The following CEP70 variants were observed in gnomAD, a reference collection of about 807,000 sequenced individuals.
The protein encoded by CEP70 is centrosomal protein 70, also known as centrosomal protein of 70 kDa.
A neutral mutation model predicts 90.9 loss-of-function variants in CEP70; 70 were observed. The observed-to-expected ratio is 0.77, with a 90% CI of 0.64 to 0.94. The LOEUF (loss-of-function observed/expected upper bound fraction) is 0.94, where lower values mean the gene tolerates loss of function less well. Among genes scored for constraint, CEP70 ranks in the 40% least tolerant of loss-of-function variants. The pLI is 0.00. For missense variants in CEP70, 648 were observed against 669.0 expected, an observed-to-expected ratio of 0.97 and a Z score of 0.35; for synonymous variants, 220 against 228.3, an observed-to-expected ratio of 0.96 and a Z score of 0.33.
rs143198406 is a variant in CEP70 at position 138,582,544 on chromosome 3, C to T, written c.-6+9310G>A. On this transcript the variant is annotated intron_variant, in intron 2 of 17. Coordinates refer to ENST00000264982, the MANE Select transcript of CEP70 (RefSeq NM_024491.4). ...ATCCCAGCACTTTGGGAGGCTGAGGCGGGCAGATCACAAGGTCATGTTCAA... is the reference window on the plus strand; with the variant it reads ...ATCCCAGCACTTTGGGAGGCTGAGGTGGGCAGATCACAAGGTCATGTTCAA... Among the ~76,000 whole-genome samples, 587 of 151,384 alleles carry T rather than the reference C, an allele frequency of 3.9e-3. 3 individuals are homozygous for T. Among genetic ancestry groups the T allele is most frequent in the African/African-American group, 0.014 (572 of 41,180 alleles).
Position 138,507,892 on chromosome 3 carries a change from A to G in CEP70, c.1050+547T>C, listed in dbSNP as rs181155097. On this transcript the variant is annotated intron_variant, in intron 12 of 17. Transcript: ENST00000264982. ...TAATTTTTAAAAAAATGAATAATCT[A>G]AAACTTAAAAATCTTATGTGTACCC... 4.0e-4 allele frequency among the ~76,000 whole-genome samples: 61 copies of G among 152,322 alleles called. 1 individual carries two copies. Among genetic ancestry groups the G allele is most frequent in the Admixed American group, 3.9e-3 (59 of 15,306 alleles).
chr3:138,529,851 G>A (rs551297494), intron 8 of CEP70, among the ~76,000 whole-genome samples: 1 of 152,096 alleles, frequency 6.6e-6, no homozygotes, highest in East Asian at 1.9e-4. Flanking sequence ...TTTCCTTCTA[G>A]TACATTTAGG....
chr3:138,495,903 C>T (rs985135386), intron 17 of CEP70: 1 of 985,336 alleles, frequency 1.0e-6, no homozygotes, highest in African/African-American at 1.7e-5. Flanking sequence ...ATCGAGTGTA[C>T]AAACCTCAAG....
chr3:138,529,614 A>G (rs2037626884), intron 8 of CEP70, 152 bp from the exon 9 acceptor site: 1 of 601,794 alleles, frequency 1.7e-6, no homozygotes, highest in African/African-American at 1.9e-5. Flanking sequence ...GTATTAGAAC[A>G]CTACTACTAT....
intron 2 of CEP70, among the ~76,000 whole-genome samples, chr3:138,574,681 C>A (rs1257595165): frequency 6.6e-6 from 1 of 152,184 alleles, no homozygotes; most frequent in Non-Finnish European, 1.5e-5. Flanking sequence ...CTGGGAGACA[C>A]CTCCCAGTAG....
Position 138,532,002 on chromosome 3 carries a change from A to G in CEP70, c.692+512T>C, listed in dbSNP as rs191166705. Reference sequence around the variant, plus strand: ...CTTACATTAAAGCATTTTAGATTATATCTTAGATATCCTTCAGCTATTTTA... The same window carrying G: ...CTTACATTAAAGCATTTTAGATTATGTCTTAGATATCCTTCAGCTATTTTA... On this transcript the variant is annotated intron_variant, in intron 8 of 17. Transcript: ENST00000264982. Among the ~76,000 whole-genome samples, 324 of 152,318 alleles carry G rather than the reference A, an allele frequency of 2.1e-3. 3 individuals carry two copies. Among genetic ancestry groups the G allele is most frequent in the Admixed American group, 3.9e-3 (60 of 15,300 alleles).
At chr3:138,499,192 A>G (rs2034245720) in intron 16 of CEP70, among the ~76,000 whole-genome samples, 1 of 152,200 alleles carries the variant, frequency 6.6e-6, no homozygotes, top group Non-Finnish European at 1.5e-5. Context: ...AAACTTGCAA[A>G]ACATATGGTT....
intron 11 of CEP70, among the ~76,000 whole-genome samples, chr3:138,512,864 A>G (rs2035652686): frequency 6.6e-6 from 1 of 152,168 alleles, no homozygotes; most frequent in African/African-American, 2.4e-5. Flanking sequence ...TTGTTTTTAA[A>G]AATTCCACTA....
chr3:138,534,312 T>C (rs2038084595), intron 7 of CEP70, among the ~76,000 whole-genome samples: 1 of 152,158 alleles, frequency 6.6e-6, no homozygotes, highest in South Asian at 2.1e-4. Context: ...CTTCCCCAAT[T>C]ACTCTTTTTC....
intron 2 of CEP70, among the ~76,000 whole-genome samples, chr3:138,585,254 CA>C (rs2042053081): frequency 1.3e-5 from 2 of 151,976 alleles, no homozygotes; most frequent in African/African-American, 4.8e-5. Context: ...CCAACAAGGA[CA>C]ATCTGAAAAA....
chr3:138,523,592 G>A (rs1209363421), intron 11 of CEP70, among the ~76,000 whole-genome samples: 1 of 152,060 alleles, frequency 6.6e-6, no homozygotes, highest in African/African-American at 2.4e-5. Flanking sequence ...CAGACAAACA[G>A]AGAGCCAAAT....
At chr3:138,547,881 CTATT>C (rs1488959311) in intron 6 of CEP70, among the ~76,000 whole-genome samples, 2 of 152,178 alleles carry the variant, frequency 1.3e-5, no homozygotes, top group Admixed American at 1.3e-4. Flanking sequence ...AACTTATGAA[CTATT>C]TATTTCTGGA....
chr3:138,560,970 G>T (rs1436743798), intron 6 of CEP70, among the ~76,000 whole-genome samples: 1 of 152,080 alleles, frequency 6.6e-6, no homozygotes, highest in Non-Finnish European at 1.5e-5. Flanking sequence ...GTCCTGGCCT[G>T]ACGGCTCTGA....
intron 2 of CEP70, among the ~76,000 whole-genome samples, chr3:138,576,340 CAA>C (rs1320339488): frequency 2.0e-5 from 3 of 152,078 alleles, no homozygotes; most frequent in African/African-American, 7.2e-5. Flanking sequence ...CAGCAAAGAT[CAA>C]AAGAGATAAA....
chr3:138,581,207 A>T (rs2041835831), intron 2 of CEP70, among the ~76,000 whole-genome samples: 1 of 151,502 alleles, frequency 6.6e-6, no homozygotes. Context: ...GCTTGAACCC[A>T]GGAGATGGAG....
rs928091719 is a variant in CEP70, at chr3:138,591,926, A to G, written c.-78T>C. 7.8e-7 allele frequency: 1 copy of G among 1,279,868 alleles called. No individual in the cohort carries two copies. The allele number at this position is 1,279,868 out of a possible 1,614,324, so 79.3% of individuals were successfully genotyped here. On this transcript the variant is annotated 5_prime_UTR_variant, in exon 2 of 18. Transcript: ENST00000264982. ...TTGATCTCAATGAAATGATCACCCA[A>G]CGAGTCTCATGTCTGAAACTGGATC...
chr3:138,566,726 G>A (rs997405060), intron 6 of CEP70, among the ~76,000 whole-genome samples: 10 of 151,828 alleles, frequency 6.6e-5, no homozygotes, highest in Non-Finnish European at 1.3e-4. Flanking sequence ...GGGTTGATGA[G>A]TGCAGCAAAC....
At chr3:138,553,852 A>G (rs2039802707) in intron 6 of CEP70, among the ~76,000 whole-genome samples, 1 of 152,194 alleles carries the variant, frequency 6.6e-6, no homozygotes, top group Non-Finnish European at 1.5e-5. Context: ...ATATAAACAG[A>G]ATTAAAAATA....
At chr3:138,585,989 A>G (rs1202801708) in intron 2 of CEP70, among the ~76,000 whole-genome samples, 4 of 152,234 alleles carry the variant, frequency 2.6e-5, no homozygotes, top group African/African-American at 9.6e-5. Context: ...CTTGAGTAAT[A>G]TACCACAAGC....
Sources: gnomAD v4.1 joint callset for allele counts (sites outside exome capture counted in the v4.1 genomes callset) on GRCh38, gnomAD v4.1.1 for gene constraint, MANE v1.5 for transcripts, NCBI Gene and HGNC (gene_info 2026-07-23, HGNC 2026-07-21) for gene names.